The following SLC12A8 variants were observed in gnomAD, a reference collection of about 807,000 sequenced individuals.
SLC12A8 encodes the protein solute carrier family 12 member 8.
In SLC12A8, 69 loss-of-function variants were observed where a neutral mutation model predicts 75.6. The ratio of observed to expected loss-of-function variants is 0.91; its 90% confidence interval spans 0.75 to 1.11. The LOEUF is 1.11. Ranked by LOEUF, SLC12A8 falls within the 50% of genes most tolerant of loss-of-function variation. The probability of loss-of-function intolerance (pLI) is 0.00; values close to 1 mark genes in which losing one functional copy is unlikely to be tolerated. For missense variants in SLC12A8, 877 were observed against 896.7 expected (o/e 0.98, Z 0.28); for synonymous variants, 365 against 372.8 (o/e 0.98, Z 0.24).
intron 6 of SLC12A8, among the ~76,000 whole-genome samples, chr3:125,128,864 C>T (rs952012905): frequency 6.6e-6 from 1 of 152,200 alleles, no homozygotes; most frequent in East Asian, 1.9e-4. Context: ...GGGAAGTAGG[C>T]CAGAGGAGGG....
At chr3:125,109,851 T>A in intron 9 of SLC12A8, among the ~76,000 whole-genome samples, 1 of 152,154 alleles carries the variant, frequency 6.6e-6, no homozygotes, top group East Asian at 1.9e-4. Flanking sequence ...ATGCTAAACC[T>A]GGAGGATCCT....
At chr3:125,154,526 G>T (rs1356109063) in intron 5 of SLC12A8, among the ~76,000 whole-genome samples, 1 of 152,070 alleles carries the variant, frequency 6.6e-6, no homozygotes, top group East Asian at 1.9e-4. Context: ...ATAGCACCTG[G>T]CACAAACAGA....
chr3:125,161,725 G>C (rs910570590), intron 5 of SLC12A8, among the ~76,000 whole-genome samples: 2 of 151,670 alleles, frequency 1.3e-5, no homozygotes, highest in Admixed American at 1.3e-4. Flanking sequence ...TGTTGTATCA[G>C]AGGCTGCAAC....
rs530881980 is a variant in SLC12A8, at chr3:125,141,174, T to G, written c.623-5392A>C. On this transcript the variant is annotated intron_variant, in intron 5 of 13. Coordinates refer to ENST00000469902, the MANE Select transcript of SLC12A8 (RefSeq NM_024628.6). ...AACAAAAACAAAAAGGGGGGTGGGG[T>G]GGGGTGCGGGTAAGACAGAGAACAA... Among the ~76,000 whole-genome samples, 894 of 127,466 alleles carry G rather than the reference T, an allele frequency of 7.0e-3. 1 individual carries two copies. The highest frequency in any genetic ancestry group is 0.016 in the Admixed American group (181 of 11,576). The allele number at this position is 127,466 out of a possible 152,430, so 83.6% of individuals were successfully genotyped here. A position where few individuals can be genotyped will look rare whatever the true frequency, so the allele number is the denominator to read the frequency against.
At chr3:125,169,454 G>C (rs543900847) in intron 5 of SLC12A8, among the ~76,000 whole-genome samples, 2 of 152,272 alleles carry the variant, frequency 1.3e-5, no homozygotes, top group East Asian at 3.9e-4. Flanking sequence ...AGGACCCACT[G>C]TTATTGGAAG....
intron 6 of SLC12A8, among the ~76,000 whole-genome samples, chr3:125,135,392 A>C (rs1251897068): frequency 6.6e-6 from 1 of 152,208 alleles, no homozygotes; most frequent in Non-Finnish European, 1.5e-5. Context: ...GGAGGATTAA[A>C]TCATATCGAA....
At chr3:125,098,594 ACG>A (rs1491485816) in intron 10 of SLC12A8, among the ~76,000 whole-genome samples, 3 of 148,894 alleles carry the variant, frequency 2.0e-5, no homozygotes, top group East Asian at 2.0e-4. Context: ...ACACACACAC[ACG>A]TATAAAACTA....
At chr3:125,159,001 T>C (rs1442466453) in intron 5 of SLC12A8, among the ~76,000 whole-genome samples, 1 of 152,204 alleles carries the variant, frequency 6.6e-6, no homozygotes, top group African/African-American at 2.4e-5. Context: ...TTCACAGTGA[T>C]CACAGTCCTG....
At chr3:125,132,824 T>C (rs1933393268) in intron 6 of SLC12A8, among the ~76,000 whole-genome samples, 1 of 151,858 alleles carries the variant, frequency 6.6e-6, no homozygotes, top group Non-Finnish European at 1.5e-5. Context: ...TGTGAGGGCC[T>C]AGGAATAGCT....
chr3:125,198,963 A>G (rs695055), intron 2 of SLC12A8, among the ~76,000 whole-genome samples: 16,205 of 151,750 alleles, frequency 0.11, 1,608 homozygotes, highest in East Asian at 0.5. Context: ...AATTTTTAGT[A>G]GAGATGGGGT....
At chr3:125,166,249 C>T (rs1303873326) in intron 5 of SLC12A8, among the ~76,000 whole-genome samples, 2 of 152,068 alleles carry the variant, frequency 1.3e-5, no homozygotes, top group Admixed American at 1.3e-4. Context: ...AGTCCCAGAA[C>T]GTGAAGCCAC....
chr3:125,154,317 A>C (rs1933999535), intron 5 of SLC12A8, among the ~76,000 whole-genome samples: 1 of 152,206 alleles, frequency 6.6e-6, no homozygotes, highest in South Asian at 2.1e-4. Flanking sequence ...AGCAGCTGGA[A>C]ACAATGTGAG....
chr3:125,110,639 C>T (rs1042548277), intron 8 of SLC12A8: 5 of 226,612 alleles, frequency 2.2e-5, no homozygotes, highest in Non-Finnish European at 4.3e-5. Flanking sequence ...GTTCAGTAGG[C>T]TTGGGGTGGG....
intron 5 of SLC12A8, among the ~76,000 whole-genome samples, chr3:125,176,505 A>C (rs566271942): frequency 6.6e-6 from 1 of 152,282 alleles, no homozygotes; most frequent in African/African-American, 2.4e-5. Flanking sequence ...GCTTCTGCAC[A>C]GCAAAAGAAA....
At chr3:125,111,574 A>T (rs1939187931) in intron 8 of SLC12A8, among the ~76,000 whole-genome samples, 1 of 152,198 alleles carries the variant, frequency 6.6e-6, no homozygotes, top group Non-Finnish European at 1.5e-5. Flanking sequence ...TCCAATGCTT[A>T]CAGATAGGTT....
In SLC12A8 at chr3:125,167,123, T is replaced by A. The variant is rs367755103; in HGVS notation, c.622+10620A>T. On this transcript the variant is annotated intron_variant, in intron 5 of 13. Coordinates refer to ENST00000469902, the MANE Select transcript of SLC12A8 (RefSeq NM_024628.6). The stretch of plus-strand genomic sequence containing the variant: ...TCTGTTATACTCTTTCCTGTATACT[T>A]GAAAGCATTCATCAGTACATTTTTA... Among the ~76,000 whole-genome samples, 36 of 152,204 alleles carry A rather than the reference T, an allele frequency of 2.4e-4. 1 individual carries two copies. Among genetic ancestry groups the A allele is most frequent in the East Asian group, 1.3e-3 (7 of 5,202 alleles).
chr3:125,130,595 AAAAAG>A (rs1349871347), intron 6 of SLC12A8, among the ~76,000 whole-genome samples: 2 of 16,832 alleles, frequency 1.2e-4, no homozygotes, highest in Non-Finnish European at 4.5e-4. Context: ...CTGTCTTAAA[AAAAAG>A]AAAAAGAAAA....
chr3:125,201,278 C>A (rs1935114615), intron 2 of SLC12A8, among the ~76,000 whole-genome samples: 2 of 152,016 alleles, frequency 1.3e-5, no homozygotes, highest in South Asian at 4.2e-4. Flanking sequence ...GTGGCATGTG[C>A]TGTGGTCCTA....
At position 125,108,068 on chromosome 3, in the gene SLC12A8, GC is replaced by G; in HGVS notation, c.1117del (p.Ala373ProfsTer8). On this transcript the variant is annotated frameshift_variant, in exon 10 of 14. Coordinates refer to ENST00000469902, the MANE Select transcript of SLC12A8 (RefSeq NM_024628.6). LOFTEE classifies it high-confidence loss of function. ...AICLTSLVTM[A>X]FVFVGQVNVL... ...GTTCACTTGACCCACAAAAACAAAG[GC>G]CATGGTCACCAAGCTGGTCAGGCAG... is the stretch of plus-strand genomic sequence containing the variant. 6.2e-7 allele frequency: 1 copy of G among 1,614,136 alleles called. No individual in the cohort carries two copies.
Sources: gnomAD v4.1 joint callset for allele counts (sites outside exome capture counted in the v4.1 genomes callset) on GRCh38, gnomAD v4.1.1 for gene constraint, MANE v1.5 for transcripts, NCBI Gene and HGNC (gene_info 2026-07-23, HGNC 2026-07-21) for gene names.